ST18: variants seen among roughly 807,000 people sequenced by gnomAD.
The protein encoded by ST18 is ST18 C2H2C-type zinc finger transcription factor, also known as suppression of tumorigenicity 18 protein.
ST18 carries 50 observed loss-of-function variants against 110.0 expected under a neutral mutation model. The ratio of observed to expected loss-of-function variants is 0.45; its 90% confidence interval spans 0.36 to 0.58. The LOEUF (loss-of-function observed/expected upper bound fraction) is 0.58. ST18 is among the 20% of genes least tolerant of loss of function. The pLI, the probability that ST18 is intolerant of heterozygous loss-of-function variation, is 0.00. For synonymous variants in ST18, 461 were observed against 452.4 expected (o/e 1.02, Z -0.24); for missense variants, 1,306 against 1,280.1 (o/e 1.02, Z -0.31).
chr8:52,338,201 G>A (rs887671897), intron 2 of ST18, among the ~76,000 whole-genome samples: 1 of 152,042 alleles, frequency 6.6e-6, no homozygotes, highest in Non-Finnish European at 1.5e-5. Flanking sequence ...TGGGATTACA[G>A]GCATGTGCCA....
chr8:52,155,074 C>T (rs903247848), intron 15 of ST18, among the ~76,000 whole-genome samples: 7 of 149,774 alleles, frequency 4.7e-5, no homozygotes, highest in African/African-American at 1.2e-4. Context: ...TGCTGGCGCA[C>T]GCCGGTAGTC....
At chr8:52,320,185 G>A (rs1330223914) in intron 2 of ST18, among the ~76,000 whole-genome samples, 1 of 152,034 alleles carries the variant, frequency 6.6e-6, no homozygotes, top group Non-Finnish European at 1.5e-5. Context: ...ACATTTGTGT[G>A]GTTTGCTATA....
intron 8 of ST18, among the ~76,000 whole-genome samples, chr8:52,200,841 G>A (rs2077722021): frequency 6.6e-6 from 1 of 152,184 alleles, no homozygotes; most frequent in South Asian, 2.1e-4. Context: ...ACTGACACGG[G>A]AAGCAGGTGG....
At chr8:52,214,864 T>C (rs1356257053) in intron 6 of ST18, among the ~76,000 whole-genome samples, 1 of 152,208 alleles carries the variant, frequency 6.6e-6, no homozygotes, top group Non-Finnish European at 1.5e-5. Flanking sequence ...GAGTGATATA[T>C]GTGCCAGTGT....
intron 10 of ST18, among the ~76,000 whole-genome samples, chr8:52,167,590 C>A (rs188279640): frequency 6.6e-6 from 1 of 152,332 alleles, no homozygotes; most frequent in East Asian, 1.9e-4. Context: ...AACACCCCCA[C>A]GGGTTGCCAC....
chr8:52,243,269 G>GA (rs1349178535), intron 2 of ST18, among the ~76,000 whole-genome samples: 1 of 152,160 alleles, frequency 6.6e-6, no homozygotes, highest in Non-Finnish European at 1.5e-5. Context: ...TTTGGGGGAT[G>GA]AAAATGTCTC....
chr8:52,181,789 C>T (rs1587913590), intron 8 of ST18, among the ~76,000 whole-genome samples: 1 of 152,136 alleles, frequency 6.6e-6, no homozygotes, highest in African/African-American at 2.4e-5. Context: ...TACAAGTCCA[C>T]ACCGTAGATT....
At chr8:52,159,524 G>A (rs1210559176) in intron 14 of ST18, among the ~76,000 whole-genome samples, 2 of 151,780 alleles carry the variant, frequency 1.3e-5, no homozygotes, top group Non-Finnish European at 2.9e-5. Flanking sequence ...GATTCCAGTG[G>A]CGGAAAAAAA....
rs2360798 is a variant in ST18, at chr8:52,285,533, T to C, written c.-464-55456A>G. Among the ~76,000 whole-genome samples the C allele has an allele frequency of 4.3e-3, 656 of 152,244 alleles. 5 individuals carry two copies. Among genetic ancestry groups the C allele is most frequent in the Admixed American group, 0.011 (170 of 15,294 alleles). ...TGACCCAGACTGGTCACGATTAGTG[T>C]TGTGTGGAGAGCAAAAGGTGCTTCT... On this transcript the variant is annotated intron_variant, in intron 2 of 25. Transcript: ENST00000689386.
intron 3 of ST18, among the ~76,000 whole-genome samples, chr8:52,224,197 T>C (rs1291312705): frequency 6.6e-6 from 1 of 152,230 alleles, no homozygotes. Context: ...GTCAGTATGA[T>C]ACTTTAAGTT....
chr8:52,349,842 T>A (rs2140302571), intron 2 of ST18, among the ~76,000 whole-genome samples: 1 of 151,820 alleles, frequency 6.6e-6, no homozygotes, highest in East Asian at 1.9e-4. Flanking sequence ...AATCATGGAA[T>A]ATCCCAGGCA....
intron 3 of ST18, among the ~76,000 whole-genome samples, chr8:52,226,948 T>C (rs1350896245): frequency 6.6e-6 from 1 of 152,234 alleles, no homozygotes; most frequent in African/African-American, 2.4e-5. Flanking sequence ...GTCTGCTATT[T>C]TTCCCAACAG....
intron 2 of ST18, among the ~76,000 whole-genome samples, chr8:52,249,641 A>G (rs16917562): frequency 6.6e-6 from 1 of 151,944 alleles, no homozygotes; most frequent in Non-Finnish European, 1.5e-5. Context: ...ATTTAATCAG[A>G]CAAATGCTGA....
intron 11 of ST18, among the ~76,000 whole-genome samples, chr8:52,165,508 T>G (rs2062686826): frequency 6.6e-6 from 1 of 152,224 alleles, no homozygotes; most frequent in African/African-American, 2.4e-5. Flanking sequence ...ACTTGTAACC[T>G]TCCCATCACC....
At chr8:52,204,971 C>T (rs905535571) in intron 8 of ST18, among the ~76,000 whole-genome samples, 10 of 152,096 alleles carry the variant, frequency 6.6e-5, no homozygotes, top group African/African-American at 1.2e-4. Flanking sequence ...CTTAACTCTA[C>T]GGACATTTAT....
intron 8 of ST18, among the ~76,000 whole-genome samples, chr8:52,196,771 C>T (rs2076319523): frequency 6.6e-6 from 1 of 152,130 alleles, no homozygotes; most frequent in Non-Finnish European, 1.5e-5. Flanking sequence ...AGGTTTCAGG[C>T]AGCCACTGGG....
intron 16 of ST18, among the ~76,000 whole-genome samples, chr8:52,148,265 G>A (rs540032731): frequency 2.5e-4 from 38 of 152,036 alleles, no homozygotes; most frequent in African/African-American, 4.8e-4. Flanking sequence ...ATCCTTGGAC[G>A]CTTTGGGTGA....
intron 8 of ST18, among the ~76,000 whole-genome samples, chr8:52,207,275 C>T (rs970669225): frequency 6.6e-6 from 1 of 152,132 alleles, no homozygotes; most frequent in African/African-American, 2.4e-5. Flanking sequence ...TGCTTGAGCT[C>T]AAGAGTTTGA....
chr8:52,159,888 C>A (rs1258620961), intron 14 of ST18, among the ~76,000 whole-genome samples: 1 of 152,186 alleles, frequency 6.6e-6, no homozygotes, highest in African/African-American at 2.4e-5. Flanking sequence ...TTGTAAACAT[C>A]ACTCCAGGTT....
Sources: gnomAD v4.1 joint callset for allele counts (sites outside exome capture counted in the v4.1 genomes callset) on GRCh38, gnomAD v4.1.1 for gene constraint, MANE v1.5 for transcripts, NCBI Gene and HGNC (gene_info 2026-07-23, HGNC 2026-07-21) for gene names.